DLGAP2: variants seen among roughly 807,000 people sequenced by gnomAD.
The protein encoded by DLGAP2 is DLG associated protein 2.
DLGAP2 carries 26 observed loss-of-function variants against 100.3 expected under a neutral mutation model. That is an observed-to-expected ratio of 0.26 (90% CI 0.19 to 0.36). The LOEUF is 0.36. DLGAP2 is among the 10% of genes least tolerant of loss of function. The pLI, the probability that DLGAP2 is intolerant of heterozygous loss-of-function variation, is 1.00. For missense variants in DLGAP2, 1,858 were observed against 1,453.2 expected (o/e 1.28, Z -4.53); for synonymous variants, 886 against 630.1 (o/e 1.41, Z -6.08).
At chr8:1,124,363 G>C (rs965958942) in intron 2 of DLGAP2, among the ~76,000 whole-genome samples, 2 of 152,112 alleles carry the variant, frequency 1.3e-5, no homozygotes, top group Non-Finnish European at 2.9e-5. Context: ...CCTCTCTCAG[G>C]GACCTCAGAG....
At chr8:1,620,144 T>C (rs541479317) in intron 6 of DLGAP2, among the ~76,000 whole-genome samples, 1 of 152,340 alleles carries the variant, frequency 6.6e-6, no homozygotes, top group South Asian at 2.1e-4. Context: ...TTCCATTTTC[T>C]TACCTTAACG....
intron 2 of DLGAP2, among the ~76,000 whole-genome samples, chr8:1,061,145 G>T (rs1014977580): frequency 6.6e-6 from 1 of 152,216 alleles, no homozygotes; most frequent in Admixed American, 6.5e-5. Context: ...TGATTTGGTA[G>T]ACCTGGCGCT....
chr8:750,023 G>A (rs892931257), intron 1 of DLGAP2, among the ~76,000 whole-genome samples: 2 of 152,312 alleles, frequency 1.3e-5, no homozygotes, highest in South Asian at 4.1e-4. Flanking sequence ...GTGCGGTCAG[G>A]GCCCACTCAG....
intron 6 of DLGAP2, among the ~76,000 whole-genome samples, chr8:1,595,583 C>T (rs928266909): frequency 6.7e-5 from 10 of 148,810 alleles, no homozygotes; most frequent in South Asian, 4.2e-4. Context: ...AGGAGAATGG[C>T]GTGAACCCGG....
chr8:925,317 T>G (rs1329636392), intron 2 of DLGAP2, among the ~76,000 whole-genome samples: 1 of 152,142 alleles, frequency 6.6e-6, no homozygotes, highest in Non-Finnish European at 1.5e-5. Context: ...AGGGGGTGTC[T>G]CCTTATGTTG....
intron 3 of DLGAP2, among the ~76,000 whole-genome samples, chr8:1,339,638 C>G (rs768403792): frequency 6.6e-6 from 1 of 152,206 alleles, no homozygotes; most frequent in Non-Finnish European, 1.5e-5. Context: ...TGGGTTATCT[C>G]ATGTAATCCT....
At position 1,298,077 on chromosome 8, in the gene DLGAP2, G is replaced by A. The variant is rs111462231; in HGVS notation, c.106+39194G>A. The stretch of plus-strand genomic sequence containing the variant: ...GACAGGGAGGAGAAACGTGGCAGGC[G>A]TCAACAGACACCACGTGAGACAGGG... On this transcript the variant is annotated intron_variant, in intron 3 of 14. Transcript: ENST00000637795. 1.2e-4 allele frequency among the ~76,000 whole-genome samples: 8 copies of A among 64,618 alleles called. 1 individual carries two copies. Among genetic ancestry groups the A allele is most frequent in the South Asian group, 6.0e-4 (1 of 1,664 alleles). 42.4% of individuals were successfully genotyped at this position (64,618 alleles called of 152,430 possible).
chr8:1,626,245 C>T (rs1176678571), intron 6 of DLGAP2, among the ~76,000 whole-genome samples: 65 of 75,768 alleles, frequency 8.6e-4, no homozygotes, highest in African/African-American at 4.2e-3. Context: ...CTCTACCCTG[C>T]AGCGGGTGCT....
In DLGAP2 at chr8:973,822, G is replaced by A. The variant is rs554530195; in HGVS notation, c.73+65856G>A. On this transcript the variant is annotated intron_variant, in intron 2 of 14. Transcript: ENST00000637795. ...ATCCGGGGCTCGGGCCCGTGGCCCC[G>A]CGGCGGTCCGGGAGGTCGGGGCGGG... Among the ~76,000 whole-genome samples the A allele has an allele frequency of 8.5e-4, 128 of 151,102 alleles. 1 individual carries two copies. Among genetic ancestry groups the A allele is most frequent in the African/African-American group, 2.8e-3 (117 of 41,412 alleles).
intron 1 of DLGAP2, among the ~76,000 whole-genome samples, chr8:745,728 T>C (rs1389429955): frequency 6.6e-6 from 1 of 152,186 alleles, no homozygotes; most frequent in African/African-American, 2.4e-5. Context: ...TTATAAAAAA[T>C]ACACATCCAC....
At chr8:1,065,317 AT>A (rs1418111217) in intron 2 of DLGAP2, among the ~76,000 whole-genome samples, 1 of 152,186 alleles carries the variant, frequency 6.6e-6, no homozygotes, top group Non-Finnish European at 1.5e-5. Flanking sequence ...TAAAATTCGC[AT>A]TTTTCATATG....
intron 2 of DLGAP2, among the ~76,000 whole-genome samples, chr8:1,079,023 A>T (rs1803713842): frequency 6.6e-6 from 1 of 152,234 alleles, no homozygotes; most frequent in Admixed American, 6.5e-5. Context: ...TCCCACCAGC[A>T]GGGAGGAGAG....
At chr8:959,154 A>C (rs1563114487) in intron 2 of DLGAP2, among the ~76,000 whole-genome samples, 1 of 152,244 alleles carries the variant, frequency 6.6e-6, no homozygotes, top group Non-Finnish European at 1.5e-5. Context: ...GTTGGATAAA[A>C]ATATATTTCC....
intron 2 of DLGAP2, among the ~76,000 whole-genome samples, chr8:964,357 C>T (rs1799795530): frequency 6.6e-6 from 1 of 152,236 alleles, no homozygotes; most frequent in Non-Finnish European, 1.5e-5. Context: ...GTGGACTCTG[C>T]TGCGACGCAG....
intron 6 of DLGAP2, among the ~76,000 whole-genome samples, chr8:1,595,557 CT>C (rs1376021611): frequency 6.6e-6 from 1 of 150,530 alleles, no homozygotes; most frequent in Non-Finnish European, 1.5e-5. Context: ...GTCCCAGCTA[CT>C]CGGGAGGCTG....
chr8:1,623,520 C>G (rs1563263466), intron 6 of DLGAP2, among the ~76,000 whole-genome samples: 1 of 152,048 alleles, frequency 6.6e-6, no homozygotes, highest in African/African-American at 2.4e-5. Flanking sequence ...GACCTGACAC[C>G]AGTGCGTCAT....
intron 2 of DLGAP2, among the ~76,000 whole-genome samples, chr8:1,073,406 G>C (rs1803494795): frequency 6.6e-6 from 1 of 151,784 alleles, no homozygotes; most frequent in African/African-American, 2.4e-5. Context: ...AATGATCATG[G>C]GGTTCTATGA....
Position 767,408 on chromosome 8 carries a change from T to C in DLGAP2, c.18+29583T>C, listed in dbSNP as rs114729341. 6.9e-3 allele frequency among the ~76,000 whole-genome samples: 978 copies of C among 142,710 alleles called. 11 individuals are homozygous for C. Among genetic ancestry groups the C allele is most frequent in the African/African-American group, 0.024 (927 of 38,986 alleles). 93.6% of individuals were successfully genotyped at this position (142,710 alleles called of 152,430 possible). ...GTCTGTCGCCCATTCTGGAGTGCAA[T>C]GGTGCCATCTTGACTCGGTCTTGGC... On this transcript the variant is annotated intron_variant, in intron 1 of 14. Coordinates refer to ENST00000637795, the MANE Select transcript of DLGAP2 (RefSeq NM_001346810.2).
chr8:928,190 G>T (rs551370978), intron 2 of DLGAP2, among the ~76,000 whole-genome samples: 3 of 152,300 alleles, frequency 2.0e-5, no homozygotes, highest in African/African-American at 7.2e-5. Flanking sequence ...TTCATATTCA[G>T]TAGGCCTCAT....
Sources: allele counts gnomAD v4.1 joint callset (sites outside exome capture counted in the v4.1 genomes callset), GRCh38; gene constraint gnomAD v4.1.1; transcripts MANE v1.5; gene names NCBI Gene and HGNC (gene_info 2026-07-23, HGNC 2026-07-21).